The following ABCF2 variants were observed in gnomAD, a reference collection of about 807,000 sequenced individuals.
ABCF2 encodes the protein ATP binding cassette subfamily F member 2.
A neutral mutation model predicts 76.9 loss-of-function variants in ABCF2; 37 were observed. The ratio of observed to expected loss-of-function variants is 0.48; its 90% CI spans 0.37 to 0.63. The LOEUF is 0.63. Ranked by LOEUF, ABCF2 falls within the 30% of genes least tolerant of loss-of-function variation. The probability of loss-of-function intolerance (pLI) is 0.00; values close to 1 mark genes in which losing one functional copy is unlikely to be tolerated. For missense variants in ABCF2, 524 were observed against 782.1 expected, an observed-to-expected ratio of 0.67 and a Z score of 3.94; for synonymous variants, 299 against 283.7, an observed-to-expected ratio of 1.05 and a Z score of -0.54.
rs951426511 is a variant in ABCF2 at position 151,214,384 on chromosome 7, G to A, written c.1735-193C>T. ...CATCATCAGGTTTGGAGCCTTCCAA[G>A]CCAGGAACTGCTGTGTCACTCCTAT... is the stretch of plus-strand genomic sequence containing the variant. On this transcript the variant is annotated intron_variant, in intron 14 of 14. Transcript: ENST00000287844. The surrounding 1 kb of genome is among the most constrained non-coding windows in gnomAD (Gnocchi z 4.9). Among the ~76,000 whole-genome samples the A allele has an allele frequency of 6.6e-5, 10 of 152,166 alleles. No individual in the cohort carries two copies. Among genetic ancestry groups the A allele is most frequent in the Non-Finnish European group, 1.3e-4 (9 of 68,044 alleles).
At chr7:151,219,289 G>A (rs1802219688) in intron 7 of ABCF2, 130 bp from the exon 8 acceptor site, 2 of 762,404 alleles carry the variant, frequency 2.6e-6, no homozygotes, top group Non-Finnish European at 4.7e-6. Flanking sequence ...GCAGTAAGAA[G>A]AGAGGACGTG....
chr7:151,213,986 A>T lies in ABCF2; in HGVS notation c.*68T>A. 6.3e-7 allele frequency: 1 copy of T among 1,595,066 alleles called. No individual in the cohort carries two copies. Among genetic ancestry groups the T allele is most frequent in the Non-Finnish European group, 8.5e-7 (1 of 1,172,482 alleles). On this transcript the variant is annotated 3_prime_UTR_variant, in exon 15 of 15. Coordinates refer to ENST00000287844, the MANE Select transcript of ABCF2 (RefSeq NM_007189.3). ...AGTGTAGCCCCAGGGTCCTGTCCTG[A>T]GCGGCTGGTCAGGTTAGCAGCTGTT...
rs1438456528 is a variant in ABCF2, at chr7:151,212,732, C to T, written c.*1322G>A. On this transcript the variant is annotated 3_prime_UTR_variant, in exon 15 of 15. Transcript: ENST00000287844. Reference sequence around the variant, plus strand: ...TCTTGAACTTCTAGGCTCAATTGATCCTCCTACAGTGGCCTCCCAAGGTGA... The same window carrying T: ...TCTTGAACTTCTAGGCTCAATTGATTCTCCTACAGTGGCCTCCCAAGGTGA... The T allele has an allele frequency of 1.3e-5, 2 of 158,400 alleles. No homozygotes were observed. Among genetic ancestry groups the T allele is most frequent in the African/African-American group, 2.4e-5 (1 of 41,556 alleles). 9.8% of individuals were successfully genotyped at this position (158,400 alleles called of 1,614,324 possible).
chr7:151,217,673 A>G (rs1455772835), intron 11 of ABCF2, among the ~76,000 whole-genome samples: 1 of 151,932 alleles, frequency 6.6e-6, no homozygotes, highest in Non-Finnish European at 1.5e-5. Flanking sequence ...TGTGCCTGTA[A>G]TCCCAGCTAC....
Position 151,213,080 on chromosome 7 carries a change from A to C in ABCF2, c.*974T>G. On this transcript the variant is annotated 3_prime_UTR_variant, in exon 15 of 15. Coordinates refer to ENST00000287844, the MANE Select transcript of ABCF2 (RefSeq NM_007189.3). ...CACCTGGCCTGCATTTTTAACAAGC[A>C]GCCCAACTGCTGTGCAGTTGGGGCA... 1 of 985,456 alleles carries C rather than the reference A, an allele frequency of 1.0e-6. No homozygotes were observed. The highest frequency in any genetic ancestry group is 1.2e-6 in the Non-Finnish European group (1 of 829,948). 61.0% of individuals were successfully genotyped at this position (985,456 alleles called of 1,614,324 possible).
At position 151,213,795 on chromosome 7, in the gene ABCF2, G is replaced by C. The variant is rs1039855167; in HGVS notation, c.*259C>G. The C allele has an allele frequency of 9.3e-6, 12 of 1,291,226 alleles. No homozygotes were observed. Among genetic ancestry groups the C allele is most frequent in the Non-Finnish European group, 1.1e-5 (11 of 1,019,714 alleles). 80.0% of individuals were successfully genotyped at this position (1,291,226 alleles called of 1,614,324 possible). ...CATCACACTCAGAGTAAGATAACCA[G>C]CAAGGGGCTGGAGGGAACGGCCAGC... On this transcript the variant is annotated 3_prime_UTR_variant, in exon 15 of 15. Coordinates refer to ENST00000287844, the MANE Select transcript of ABCF2 (RefSeq NM_007189.3).
rs755352035 is a variant in ABCF2, at chr7:151,221,599, G to A, written c.900C>T (p.Asn300=). The part of the protein sequence containing the change: ...GVCTNIIHMH[N]KKLKYYTGNY... ...TCACCGTATAATACTTCAGTTTCTTGTTGTGCATGTGAATGATATTGGTAC... is the reference window on the plus strand; with the variant it reads ...TCACCGTATAATACTTCAGTTTCTTATTGTGCATGTGAATGATATTGGTAC... Residue 300 remains asparagine (N), a synonymous_variant, in exon 7 of 15, where the codon AAC becomes AAT. Coordinates refer to ENST00000287844, the MANE Select transcript of ABCF2 (RefSeq NM_007189.3). The A allele has an allele frequency of 3.8e-5, 61 of 1,601,014 alleles. No individual in the cohort carries two copies. The highest frequency in any genetic ancestry group is 8.4e-5 in the Admixed American group (5 of 59,822).
In ABCF2 at chr7:151,215,649, T is replaced by C. The variant is rs768697282; in HGVS notation, c.1485A>G (p.Glu495=). 8 of 1,614,164 alleles carry C rather than the reference T, an allele frequency of 5.0e-6. No individual in the cohort carries two copies. The highest frequency in any genetic ancestry group is 6.8e-6 in the Non-Finnish European group (8 of 1,180,030). Residue 495 remains glutamate, a synonymous_variant, in exon 13 of 15, where the codon GAA becomes GAG. Transcript: ENST00000287844. The surrounding 1 kb of genome is among the most constrained non-coding windows in gnomAD (Gnocchi z 4.6). ...CGTATCGCCCAATGATCTTCCTCAT[T>C]TCTTCCTTCTCCTTGATCTCTGGGT... ...KCYPEIKEKE[E]MRKIIGRYGL...
Position 151,214,797 on chromosome 7 carries a change from T to A in ABCF2, c.1734+82A>T. On this transcript the variant is annotated intron_variant, in intron 14 of 14. Coordinates refer to ENST00000287844, the MANE Select transcript of ABCF2 (RefSeq NM_007189.3). This position sits in a 1 kb window ranked among gnomAD's most constrained non-coding sequence, Gnocchi z 4.9. ...TTCTCTTAATTCAGTAGGCGGGTATTATGCACCCTCCACATGCCATGACTA... is the reference window on the plus strand; with the variant it reads ...TTCTCTTAATTCAGTAGGCGGGTATAATGCACCCTCCACATGCCATGACTA... 1 of 1,352,996 alleles carries A rather than the reference T, an allele frequency of 7.4e-7. No individual in the cohort carries two copies. Among genetic ancestry groups the A allele is most frequent in the Non-Finnish European group, 1.1e-6 (1 of 951,548 alleles). 83.8% of individuals were successfully genotyped at this position (1,352,996 alleles called of 1,614,324 possible). A position where few individuals can be genotyped will look rare whatever the true frequency, so the allele number is the denominator to read the frequency against.
intron 7 of ABCF2, among the ~76,000 whole-genome samples, chr7:151,220,115 G>A (rs1802236593): frequency 6.6e-6 from 1 of 151,776 alleles, no homozygotes; most frequent in Admixed American, 6.6e-5. Flanking sequence ...AAAGAGGCCG[G>A]GTGCGGTGGC....
chr7:151,222,411 C>A, intron 6 of ABCF2, 110 bp downstream of exon 6: 1 of 823,140 alleles, frequency 1.2e-6, no homozygotes, highest in South Asian at 1.8e-5. Context: ...CTCTGTCCTT[C>A]CTTCAGTTCC....
chr7:151,216,216 G>T (rs945456290), intron 11 of ABCF2, among the ~76,000 whole-genome samples, 187 bp from the exon 12 acceptor site: 1 of 152,174 alleles, frequency 6.6e-6, no homozygotes, highest in South Asian at 2.1e-4. Context: ...TACTGAAGCA[G>T]ATGTTCTCAA....
Position 151,224,772 on chromosome 7 carries a change from T to C in ABCF2, c.367+4A>G, listed in dbSNP as rs1802339603. 6.2e-7 allele frequency: 1 copy of C among 1,613,830 alleles called. No homozygotes were observed. The highest frequency in any genetic ancestry group is 8.5e-7 in the Non-Finnish European group (1 of 1,179,822). On this transcript the variant is annotated splice_donor_region_variant and intron_variant, in intron 3 of 14. Transcript: ENST00000287844. ...ACCTCCCACCTCCCCTTCCAAGGCCTCACCAATTCCATTTAAACCAATGAG... is the reference window on the plus strand; with the variant it reads ...ACCTCCCACCTCCCCTTCCAAGGCCCCACCAATTCCATTTAAACCAATGAG...
At position 151,214,569 on chromosome 7, in the gene ABCF2, T is replaced by C. The variant is rs757097963; in HGVS notation, c.1734+310A>G. Among the ~76,000 whole-genome samples the C allele has an allele frequency of 2.0e-5, 3 of 152,200 alleles. No homozygotes were observed. The highest frequency in any genetic ancestry group is 4.4e-5 in the Non-Finnish European group (3 of 68,040). ...ATCAAAATCCTCCTTAGAATACTAT[T>C]TTTGGACTGAAGAATCTTGGGACAG... On this transcript the variant is annotated intron_variant, in intron 14 of 14. Transcript: ENST00000287844. This position sits in a 1 kb window ranked among gnomAD's most constrained non-coding sequence, Gnocchi z 4.9.
In ABCF2 at chr7:151,225,964, T is replaced by C. The variant is rs116135701; in HGVS notation, c.154+341A>G. ...CACCAGTGAGAGGACAAGCTTATTGTATAATGTAGCAAAGAACCTGGCACA... is the reference window on the plus strand; with the variant it reads ...CACCAGTGAGAGGACAAGCTTATTGCATAATGTAGCAAAGAACCTGGCACA... On this transcript the variant is annotated intron_variant, in intron 2 of 14. Coordinates refer to ENST00000287844, the MANE Select transcript of ABCF2 (RefSeq NM_007189.3). Among the ~76,000 whole-genome samples, 1,152 of 152,306 alleles carry C rather than the reference T, an allele frequency of 7.6e-3. 9 individuals carry two copies. Among genetic ancestry groups the C allele is most frequent in the African/African-American group, 0.025 (1,055 of 41,552 alleles).
In ABCF2 at chr7:151,224,983, C is replaced by T. The variant is rs754002317; in HGVS notation, c.160G>A (p.Asp54Asn). The part of the protein sequence containing the change: ...EANGRETTEV[D>N]LLTKELEDFE... Reference sequence around the variant, plus strand: ...TCCTCTAGCTCCTTGGTCAGCAAATCTACTTCTGCGGATAGAAAAGCAGTT... The same window carrying T: ...TCCTCTAGCTCCTTGGTCAGCAAATTTACTTCTGCGGATAGAAAAGCAGTT... The change falls in exon 3 of 15, where the codon GAT becomes AAT. Residue 54 changes from aspartate to asparagine, a missense_variant. Asp to Asn is a conservative substitution (Grantham distance 23). Around this residue, in one of 2 missense-constraint regions of ABCF2, gnomAD observed 330 missense variants for 433.6 expected, o/e 0.76. Coordinates refer to ENST00000287844, the MANE Select transcript of ABCF2 (RefSeq NM_007189.3). 4.3e-6 allele frequency: 7 copies of T among 1,614,010 alleles called. No homozygotes were observed. In the Admixed American group the frequency reaches 1.0e-4, roughly 23 times the overall value.
chr7:151,218,186 G>A lies in ABCF2; in HGVS notation c.1233C>T (p.Cys411=). 2 of 1,609,574 alleles carry A rather than the reference G, an allele frequency of 1.2e-6. No homozygotes were observed. Among genetic ancestry groups the A allele is most frequent in the Non-Finnish European group, 1.7e-6 (2 of 1,175,786 alleles). The change falls in exon 11 of 15, where the codon TGC becomes TGT. Residue 411 remains cysteine (C), a synonymous_variant. Coordinates refer to ENST00000287844, the MANE Select transcript of ABCF2 (RefSeq NM_007189.3). The part of the protein sequence containing the change: ...VSFKYTKDGP[C]IYNNLEFGID... Reference sequence around the variant, plus strand: ...TTCCAAATTCTAGATTATTGTAGATGCAAGGCTGAGGTGGGGATGAGAGAG... The same window carrying A: ...TTCCAAATTCTAGATTATTGTAGATACAAGGCTGAGGTGGGGATGAGAGAG...
At chr7:151,226,269 A>G (rs1392941224) in intron 2 of ABCF2, 36 bp downstream of exon 2, 1 of 1,604,116 alleles carries the variant, frequency 6.2e-7, no homozygotes, top group South Asian at 1.1e-5. Flanking sequence ...ATTAAGTCTT[A>G]GCAACCATCC....
At chr7:151,222,453 T>C in intron 6 of ABCF2, 68 bp downstream of exon 6, 9 of 1,310,122 alleles carry the variant, frequency 6.9e-6, no homozygotes, top group Non-Finnish European at 9.9e-6. Context: ...GTGCAGTTTC[T>C]GGGCATCCAT....
Sources: allele counts gnomAD v4.1 joint callset (sites outside exome capture counted in the v4.1 genomes callset), GRCh38; gene constraint gnomAD v4.1.1; regional missense constraint gnomAD v4.1.1; non-coding constraint Gnocchi (gnomAD v3.1); transcripts MANE v1.5; gene names NCBI Gene and HGNC (gene_info 2026-07-23, HGNC 2026-07-21).